The following CADM1 variants were observed in gnomAD, a reference collection of about 807,000 sequenced individuals.
CADM1 encodes the protein cell adhesion molecule 1.
In CADM1, 15 loss-of-function variants were observed where a neutral mutation model predicts 53.1. The ratio of observed to expected loss-of-function variants is 0.28; its 90% CI spans 0.19 to 0.44. CADM1 has a LOEUF of 0.44. Among genes scored for constraint, CADM1 ranks in the 20% least tolerant of loss-of-function variants. CADM1 has a pLI of 1.00. For missense variants in CADM1, 434 were observed against 611.3 expected, an observed-to-expected ratio of 0.71 and a Z score of 3.06; for synonymous variants, 281 against 243.0, an observed-to-expected ratio of 1.16 and a Z score of -1.45.
intron 1 of CADM1, among the ~76,000 whole-genome samples, chr11:115,499,606 G>C (rs1364607044): frequency 1.3e-5 from 2 of 152,252 alleles, no homozygotes; most frequent in Admixed American, 6.5e-5. Flanking sequence ...TCCTTGCCAG[G>C]AGGCGGAACA....
At chr11:115,489,752 G>C (rs552925974) in intron 1 of CADM1, among the ~76,000 whole-genome samples, 1 of 152,322 alleles carries the variant, frequency 6.6e-6, no homozygotes, top group South Asian at 2.1e-4. Context: ...GTAGCCCTTA[G>C]GGAAGTACAG....
rs527311625 is a variant in CADM1 at position 115,308,243 on chromosome 11, T to A, written c.125-67823A>T. Among the ~76,000 whole-genome samples the A allele has an allele frequency of 3.4e-5, 5 of 149,248 alleles. No individual in the cohort carries two copies. The South Asian group carries it at 1.1e-3, about 32-fold the overall frequency. The stretch of plus-strand genomic sequence containing the variant: ...CTATGAGAAGGTTTTTGTCCTTAAT[T>A]GGTGAAAGTTTCCAACATCACAACA... On this transcript the variant is annotated intron_variant, in intron 1 of 11. Coordinates refer to ENST00000331581, the MANE Select transcript of CADM1 (RefSeq NM_001301043.2).
At chr11:115,462,107 G>C (rs1233324339) in intron 1 of CADM1, among the ~76,000 whole-genome samples, 1 of 152,140 alleles carries the variant, frequency 6.6e-6, no homozygotes, top group Non-Finnish European at 1.5e-5. Context: ...AGAACAAATG[G>C]AGGAATTTTT....
At chr11:115,410,895 A>G (rs1334404350) in intron 1 of CADM1, among the ~76,000 whole-genome samples, 1 of 152,168 alleles carries the variant, frequency 6.6e-6, no homozygotes, top group Non-Finnish European at 1.5e-5. Flanking sequence ...AGCCACAGTA[A>G]AAAACAATCA....
chr11:115,186,600 A>G (rs1432760918), intron 10 of CADM1, among the ~76,000 whole-genome samples: 1 of 152,184 alleles, frequency 6.6e-6, no homozygotes, highest in Non-Finnish European at 1.5e-5. Flanking sequence ...CTCCTAAGCA[A>G]ACCGTTTAGC....
In CADM1 at chr11:115,474,290, C is replaced by CAA. The variant is rs60168853; in HGVS notation, c.124+29979_124+29980dup. 2.7e-3 allele frequency among the ~76,000 whole-genome samples: 54 copies of CAA among 20,166 alleles called. 3 individuals are homozygous for CAA. Among genetic ancestry groups the CAA allele is most frequent in the African/African-American group, 5.9e-3 (33 of 5,572 alleles). 13.2% of individuals were successfully genotyped at this position (20,166 alleles called of 152,430 possible). A position where few individuals can be genotyped will look rare whatever the true frequency, so the allele number is the denominator to read the frequency against. ...TGGGTGACAGAGCAAGACTCCATCT[C>CAA]AAAAAAAAAAAAAAAAAAAAAAAAA... On this transcript the variant is annotated intron_variant, in intron 1 of 11. Transcript: ENST00000331581.
At chr11:115,383,563 T>C (rs1409971619) in intron 1 of CADM1, among the ~76,000 whole-genome samples, 2 of 152,222 alleles carry the variant, frequency 1.3e-5, no homozygotes, top group African/African-American at 4.8e-5. Context: ...GCTTTATGAT[T>C]CAGCTGCCTT....
chr11:115,391,684 A>G (rs1946840307), intron 1 of CADM1, among the ~76,000 whole-genome samples: 1 of 152,186 alleles, frequency 6.6e-6, no homozygotes, highest in East Asian at 1.9e-4. Flanking sequence ...ATTTCTCACC[A>G]GGTGGTGAAG....
chr11:115,239,230 TTATAA>T (rs1336439719), intron 2 of CADM1, among the ~76,000 whole-genome samples: 3 of 152,174 alleles, frequency 2.0e-5, no homozygotes, highest in African/African-American at 7.2e-5. Context: ...TTTTAAAAAC[TTATAA>T]TCTAATAGCA....
intron 1 of CADM1, among the ~76,000 whole-genome samples, chr11:115,348,002 A>G (rs148478235): frequency 9.9e-4 from 151 of 152,350 alleles, no homozygotes; most frequent in Admixed American, 1.8e-3. Context: ...ACAATTTCAT[A>G]TATTTTGAGG....
intron 1 of CADM1, among the ~76,000 whole-genome samples, chr11:115,289,203 A>G (rs1365817863): frequency 6.6e-6 from 1 of 152,018 alleles, no homozygotes; most frequent in Non-Finnish European, 1.5e-5. Context: ...TGTCTCTACT[A>G]AAAATACAAA....
chr11:115,238,194 C>T (rs887325941), intron 3 of CADM1, among the ~76,000 whole-genome samples: 3 of 152,104 alleles, frequency 2.0e-5, no homozygotes, highest in Admixed American at 6.6e-5. Flanking sequence ...AAAAAAATCC[C>T]GGTAGTTAGA....
intron 1 of CADM1, among the ~76,000 whole-genome samples, chr11:115,272,329 T>C (rs1046827796): frequency 5.3e-5 from 8 of 152,168 alleles, no homozygotes; most frequent in African/African-American, 1.7e-4. Context: ...CTACTCTTGA[T>C]TTTTGAGCTA....
chr11:115,449,412 T>C (rs937884182), intron 1 of CADM1, among the ~76,000 whole-genome samples: 1 of 152,170 alleles, frequency 6.6e-6, no homozygotes, highest in Non-Finnish European at 1.5e-5. Flanking sequence ...GACAACCCTT[T>C]CCCTGCCAAA....
At chr11:115,179,833 A>G (rs909264792) in intron 10 of CADM1, among the ~76,000 whole-genome samples, 2 of 152,210 alleles carry the variant, frequency 1.3e-5, no homozygotes, top group African/African-American at 4.8e-5. Context: ...TTAACTTTAC[A>G]TGATTTGTGA....
At chr11:115,345,516 C>T (rs898965720) in intron 1 of CADM1, among the ~76,000 whole-genome samples, 3 of 152,196 alleles carry the variant, frequency 2.0e-5, no homozygotes, top group African/African-American at 7.2e-5. Context: ...GCCCATTGCC[C>T]TCCAGCTGCA....
At chr11:115,385,241 T>C (rs1460142274) in intron 1 of CADM1, among the ~76,000 whole-genome samples, 1 of 149,246 alleles carries the variant, frequency 6.7e-6, no homozygotes, top group African/African-American at 2.5e-5. Flanking sequence ...TAGAAACAAC[T>C]GACCCATTAA....
intron 1 of CADM1, among the ~76,000 whole-genome samples, chr11:115,361,516 G>A (rs1395518752): frequency 6.6e-6 from 1 of 152,128 alleles, no homozygotes; most frequent in South Asian, 2.1e-4. Context: ...CCTGAATGGT[G>A]TATACAAGCC....
intron 1 of CADM1, among the ~76,000 whole-genome samples, chr11:115,295,958 A>G (rs183428640): frequency 5.3e-5 from 8 of 152,168 alleles, no homozygotes; most frequent in Admixed American, 4.6e-4. Context: ...CTTTTCTTAT[A>G]TATTTTTTAA....
Sources: gnomAD v4.1 joint callset for allele counts (sites outside exome capture counted in the v4.1 genomes callset) on GRCh38, gnomAD v4.1.1 for gene constraint, MANE v1.5 for transcripts, NCBI Gene and HGNC (gene_info 2026-07-23, HGNC 2026-07-21) for gene names.